The following NTM variants were observed in gnomAD, a reference collection of about 807,000 sequenced individuals.
The protein encoded by NTM is IgLON family member 2.
NTM carries 13 observed loss-of-function variants against 42.1 expected under a neutral mutation model. The ratio of observed to expected loss-of-function variants is 0.31; its 90% CI spans 0.20 to 0.49. The LOEUF is 0.49. Ranked by LOEUF, NTM falls within the 20% of genes least tolerant of loss-of-function variation. The pLI is 0.99. For missense variants in NTM, 373 were observed against 452.8 expected, an observed-to-expected ratio of 0.82 and a Z score of 1.60; for synonymous variants, 187 against 179.2, an observed-to-expected ratio of 1.04 and a Z score of -0.35.
intron 1 of NTM, among the ~76,000 whole-genome samples, chr11:131,443,119 C>T (rs990622540): frequency 6.6e-6 from 1 of 152,088 alleles, no homozygotes; most frequent in Non-Finnish European, 1.5e-5. Flanking sequence ...AACTTGAGGG[C>T]ATCTAATACA....
At chr11:131,482,151 A>G (rs1019743020) in intron 1 of NTM, among the ~76,000 whole-genome samples, 1 of 152,164 alleles carries the variant, frequency 6.6e-6, no homozygotes, top group East Asian at 1.9e-4. Flanking sequence ...GCCCTTTTTC[A>G]TGTCGTACTC....
chr11:131,757,039 C>A (rs1372546637), intron 1 of NTM, among the ~76,000 whole-genome samples: 2 of 152,194 alleles, frequency 1.3e-5, no homozygotes, highest in African/African-American at 4.8e-5. Context: ...GAGCCACATC[C>A]CATGCCTTCA....
At chr11:132,104,216 A>G (rs2061980490) in intron 2 of NTM, among the ~76,000 whole-genome samples, 1 of 152,074 alleles carries the variant, frequency 6.6e-6, no homozygotes, top group Non-Finnish European at 1.5e-5. Flanking sequence ...GTCAAAGTGG[A>G]TCTGTTATGG....
At chr11:132,212,209 T>C in intron 4 of NTM, 62 bp downstream of exon 4, 5 of 1,440,710 alleles carry the variant, frequency 3.5e-6, no homozygotes, top group Non-Finnish European at 4.8e-6. Context: ...GGGCCTTTGG[T>C]AGGAGGTTAT....
chr11:131,705,972 A>T (rs1347991507), intron 1 of NTM, among the ~76,000 whole-genome samples: 1 of 152,080 alleles, frequency 6.6e-6, no homozygotes, highest in Non-Finnish European at 1.5e-5. Context: ...AGCCAGAACA[A>T]GTCCTTATCT....
chr11:131,671,664 A>T, intron 1 of NTM: 1 of 941,742 alleles, frequency 1.1e-6, no homozygotes, highest in Non-Finnish European at 1.3e-6. Context: ...ACTCAGCGGT[A>T]TAGGAAGCAG....
intron 1 of NTM, among the ~76,000 whole-genome samples, chr11:131,480,887 A>C (rs7112023): frequency 0.52 from 78,227 of 151,868 alleles, 21,435 homozygotes; most frequent in East Asian, 0.68. Context: ...TCTGTCGGTG[A>C]AAAATTTGGG....
chr11:132,152,492 T>C (rs539920228), intron 3 of NTM, among the ~76,000 whole-genome samples: 2 of 152,354 alleles, frequency 1.3e-5, no homozygotes, highest in African/African-American at 2.4e-5. Context: ...ATATTTGGTC[T>C]GGTCATAAGA....
chr11:131,702,548 C>G (rs2076180399), intron 1 of NTM, among the ~76,000 whole-genome samples: 1 of 152,060 alleles, frequency 6.6e-6, no homozygotes, highest in Non-Finnish European at 1.5e-5. Context: ...GAAGAGTGCC[C>G]AGAGCATGGA....
At chr11:131,597,519 C>G (rs562573729) in intron 1 of NTM, among the ~76,000 whole-genome samples, 1 of 152,312 alleles carries the variant, frequency 6.6e-6, no homozygotes, top group Non-Finnish European at 1.5e-5. Flanking sequence ...CTCTTTTATC[C>G]TACCCGGACA....
intron 4 of NTM, among the ~76,000 whole-genome samples, chr11:132,216,211 A>G (rs547676124): frequency 1.3e-5 from 2 of 152,372 alleles, no homozygotes; most frequent in African/African-American, 4.8e-5. Flanking sequence ...AATATACTCC[A>G]AAAGATGCTG....
intron 1 of NTM, among the ~76,000 whole-genome samples, chr11:131,545,659 C>T (rs2053837145): frequency 1.3e-5 from 2 of 152,158 alleles, no homozygotes; most frequent in Admixed American, 1.3e-4. Context: ...ATCAAAGAAA[C>T]TATTAAATCC....
At chr11:132,179,576 C>G (rs1240558829) in intron 3 of NTM, among the ~76,000 whole-genome samples, 2 of 152,138 alleles carry the variant, frequency 1.3e-5, no homozygotes, top group Admixed American at 6.5e-5. Flanking sequence ...AAAGAGAGTA[C>G]TTCAAAATGT....
At chr11:131,726,495 C>T (rs1306067466) in intron 1 of NTM, among the ~76,000 whole-genome samples, 1 of 151,064 alleles carries the variant, frequency 6.6e-6, no homozygotes, top group East Asian at 1.9e-4. Flanking sequence ...CTGGAAGTGA[C>T]AGGCTTTTAC....
chr11:131,802,471 G>A (rs1429675231), intron 1 of NTM, among the ~76,000 whole-genome samples: 1 of 152,222 alleles, frequency 6.6e-6, no homozygotes, highest in Non-Finnish European at 1.5e-5. Context: ...AGGTAGGAGG[G>A]CACATGCCAC....
intron 1 of NTM, among the ~76,000 whole-genome samples, chr11:131,651,422 T>C (rs1266694665): frequency 6.6e-6 from 1 of 152,222 alleles, no homozygotes; most frequent in African/African-American, 2.4e-5. Flanking sequence ...CATAGTAAAC[T>C]TTAAGCAAGA....
At chr11:132,097,186 T>C (rs527304652) in intron 2 of NTM, among the ~76,000 whole-genome samples, 97 of 152,328 alleles carry the variant, frequency 6.4e-4, no homozygotes, top group African/African-American at 2.3e-3. Flanking sequence ...CTTCTGCAGG[T>C]TCAGAAACAG....
intron 2 of NTM, among the ~76,000 whole-genome samples, chr11:131,966,968 A>G (rs80026689): frequency 0.037 from 5,603 of 152,226 alleles, 365 homozygotes; most frequent in African/African-American, 0.13. Context: ...GATGGGTTAC[A>G]TGTGGGATGT....
chr11:132,073,099 T>C (rs1341279092), intron 2 of NTM, among the ~76,000 whole-genome samples: 2 of 152,170 alleles, frequency 1.3e-5, no homozygotes, highest in Non-Finnish European at 2.9e-5. Flanking sequence ...TGTGGGCTGC[T>C]GGGGCTTTGT....
Sources: gnomAD v4.1 joint callset for allele counts (sites outside exome capture counted in the v4.1 genomes callset) on GRCh38, gnomAD v4.1.1 for gene constraint, MANE v1.5 for transcripts, NCBI Gene and HGNC (gene_info 2026-07-23, HGNC 2026-07-21) for gene names.